Variants in RGS6 observed in about 807,000 individuals in gnomAD.
RGS6 encodes regulator of G protein signaling 6, also known as regulator of G-protein signaling 6.
Under a neutral mutation model 78.5 loss-of-function variants are expected in RGS6, and 30 were observed. That is an observed-to-expected ratio of 0.38 (90% CI 0.29 to 0.52). The LOEUF (loss-of-function observed/expected upper bound fraction) is 0.52. Among genes scored for constraint, RGS6 ranks in the 20% least tolerant of loss-of-function variants. The pLI is 0.85. For synonymous variants in RGS6, 206 were observed against 206.0 expected (o/e 1.00, Z 0.00); for missense variants, 495 against 609.7 (o/e 0.81, Z 1.98).
At chr14:72,140,744 A>G (rs80129073) in intron 2 of RGS6, among the ~76,000 whole-genome samples, 1,846 of 152,304 alleles carry the variant, frequency 0.012, 26 homozygotes, top group African/African-American at 0.042. Context: ...TGCAATGGCT[A>G]TTGGTGCTGG....
At chr14:72,306,342 T>C (rs2067237679) in intron 2 of RGS6, among the ~76,000 whole-genome samples, 1 of 152,228 alleles carries the variant, frequency 6.6e-6, no homozygotes, top group African/African-American at 2.4e-5. Context: ...GCATGTTGTT[T>C]TCATGCCTGC....
At chr14:72,357,874 C>T (rs548192684) in intron 3 of RGS6, among the ~76,000 whole-genome samples, 2 of 152,308 alleles carry the variant, frequency 1.3e-5, no homozygotes, top group Admixed American at 6.5e-5. Context: ...GGGCATGTCA[C>T]AGACCTTCAA....
intron 2 of RGS6, among the ~76,000 whole-genome samples, chr14:71,968,922 C>T (rs2093663867): frequency 1.3e-5 from 2 of 152,154 alleles, no homozygotes; most frequent in South Asian, 2.1e-4. Flanking sequence ...GTGTGCTGCA[C>T]CCATTAACTC....
intron 2 of RGS6, among the ~76,000 whole-genome samples, chr14:72,278,500 GGC>G: frequency 6.6e-6 from 1 of 152,236 alleles, no homozygotes; most frequent in East Asian, 1.9e-4. Flanking sequence ...TGGCAGTTAA[GGC>G]AAACAGCACA....
the RGS6 span, among the ~76,000 whole-genome samples, chr14:71,885,636 G>T: frequency 6.6e-6 from 1 of 152,324 alleles, no homozygotes; most frequent in South Asian, 2.1e-4. Context: ...GAGGAATAAA[G>T]ATTGAGGCTG....
intron 2 of RGS6, among the ~76,000 whole-genome samples, chr14:72,277,828 T>A (rs2060934015): frequency 6.6e-6 from 1 of 152,110 alleles, no homozygotes. Context: ...TTTGGGAGGC[T>A]GAGGCAGGAG....
At chr14:71,915,094 CAA>C in the RGS6 span, among the ~76,000 whole-genome samples, 6 of 128,156 alleles carry the variant, frequency 4.7e-5, no homozygotes, top group Non-Finnish European at 5.1e-5. Flanking sequence ...GTAAACATAA[CAA>C]AAAAAAAAAA....
At chr14:72,434,064 A>G (rs1052603048) in intron 3 of RGS6, among the ~76,000 whole-genome samples, 36 of 152,368 alleles carry the variant, frequency 2.4e-4, no homozygotes, top group African/African-American at 8.4e-4. Context: ...GGCTGGGCAC[A>G]GTGACTGACA....
At chr14:72,459,119 A>C (rs150071891) in intron 5 of RGS6, among the ~76,000 whole-genome samples, 1 of 152,224 alleles carries the variant, frequency 6.6e-6, no homozygotes, top group East Asian at 1.9e-4. Context: ...TGATCTTTCT[A>C]CTGTCTCATG....
chr14:72,535,856 G>T (rs963187483), intron 15 of RGS6, among the ~76,000 whole-genome samples: 1 of 150,140 alleles, frequency 6.7e-6, no homozygotes, highest in Non-Finnish European at 1.5e-5. Context: ...CATCCAAGTT[G>T]TTGTTGGGTG....
intron 2 of RGS6, among the ~76,000 whole-genome samples, chr14:72,324,289 A>C (rs2073060964): frequency 6.6e-6 from 1 of 152,224 alleles, no homozygotes; most frequent in African/African-American, 2.4e-5. Context: ...CTTTAGAAAA[A>C]AATTAACAAG....
chr14:72,143,027 A>G (rs991974920), intron 2 of RGS6, among the ~76,000 whole-genome samples: 12 of 152,174 alleles, frequency 7.9e-5, no homozygotes, highest in African/African-American at 2.2e-4. Context: ...ATCACCCTCA[A>G]TGACCAAATG....
the RGS6 span, among the ~76,000 whole-genome samples, chr14:72,613,992 G>A: frequency 6.6e-6 from 1 of 151,966 alleles, no homozygotes; most frequent in East Asian, 1.9e-4. Context: ...CCCACTCTCA[G>A]CTGTCCACTC....
At chr14:72,315,851 A>G (rs547414209) in intron 2 of RGS6, among the ~76,000 whole-genome samples, 3 of 152,368 alleles carry the variant, frequency 2.0e-5, no homozygotes, top group Non-Finnish European at 2.9e-5. Context: ...AGTTCTTCCC[A>G]GGCAGTGTGG....
intron 2 of RGS6, among the ~76,000 whole-genome samples, chr14:72,203,211 C>T (rs578025754): frequency 1.3e-3 from 203 of 152,154 alleles, no homozygotes; most frequent in Non-Finnish European, 2.5e-3. Context: ...ATTGTTAATC[C>T]GTCACTTTAT....
chr14:72,629,636 G>A, the RGS6 span: 1 of 1,535,886 alleles, frequency 6.5e-7, no homozygotes, highest in South Asian at 1.2e-5. Flanking sequence ...CATTCTCTGA[G>A]GTCCCACAGA....
chr14:72,317,975 T>C (rs942947453), intron 2 of RGS6, among the ~76,000 whole-genome samples: 2 of 152,186 alleles, frequency 1.3e-5, no homozygotes. Flanking sequence ...TTATTTACAA[T>C]AGTTTTTGCT....
At chr14:72,003,105 A>G (rs1036219244) in intron 2 of RGS6, among the ~76,000 whole-genome samples, 2 of 152,322 alleles carry the variant, frequency 1.3e-5, no homozygotes, top group East Asian at 1.9e-4. Context: ...GAATGAGACA[A>G]TGAGTGAAAG....
intron 3 of RGS6, among the ~76,000 whole-genome samples, chr14:72,362,337 A>T (rs781515613): frequency 3.9e-5 from 6 of 152,232 alleles, no homozygotes; most frequent in Non-Finnish European, 7.3e-5. Context: ...CTGAGAAGGT[A>T]TATCAGTTAT....
Sources: allele counts gnomAD v4.1 joint callset (sites outside exome capture counted in the v4.1 genomes callset), GRCh38; gene constraint gnomAD v4.1.1; transcripts MANE v1.5; gene names NCBI Gene and HGNC (gene_info 2026-07-23, HGNC 2026-07-21).